PCDHGA4: variants seen among roughly 807,000 people sequenced by gnomAD.
PCDHGA4 encodes the protein protocadherin gamma-A4.
Under a neutral mutation model 54.6 loss-of-function variants are expected in PCDHGA4, and 38 were observed. The observed-to-expected ratio is 0.70, with a 90% confidence interval of 0.54 to 0.91. PCDHGA4 has a LOEUF of 0.91. Among genes scored for constraint, PCDHGA4 ranks in the 40% least tolerant of loss-of-function variants. The pLI, the probability that PCDHGA4 is intolerant of heterozygous loss-of-function variation, is 0.00. For missense variants in PCDHGA4, 1,298 were observed against 1,220.9 expected, an observed-to-expected ratio of 1.06 and a Z score of -0.94; for synonymous variants, 511 against 512.9, an observed-to-expected ratio of 1.00 and a Z score of 0.05.
rs553662641 is a variant in PCDHGA4 at position 141,356,817 on chromosome 5, C to A, written c.1710C>A (p.Asp570Glu). The stretch of plus-strand genomic sequence containing the variant: ...TGATGACAGCCAGTGACAGTGGAGA[C>A]CCTCCACTCAGCAGCAATGTGTCAC... ...QLLMTASDSG[D>E]PPLSSNVSLS... is the part of the protein sequence containing the mutation. Residue 570 changes from aspartate (D) to glutamate (E), a missense_variant, in exon 1 of 4, where the codon GAC becomes GAA. Transcript: ENST00000571252. 9.9e-6 allele frequency: 16 copies of A among 1,613,926 alleles called. No homozygotes were observed. Among genetic ancestry groups the A allele is most frequent in the Middle Eastern group, 1.6e-4 (1 of 6,062 alleles).
intron 1 of PCDHGA4, chr5:141,394,196 C>G (rs760903381): frequency 2.7e-5 from 44 of 1,613,792 alleles, no homozygotes; most frequent in African/African-American, 4.0e-5. Flanking sequence ...CAGCGTATAT[C>G]CTAGAGAACA....
intron 1 of PCDHGA4, chr5:141,400,775 C>T (rs2094072666): frequency 5.4e-6 from 3 of 559,824 alleles, no homozygotes; most frequent in South Asian, 5.1e-5. Context: ...ACATTTGGTG[C>T]GTTTTTTTGT....
intron 3 of PCDHGA4, among the ~76,000 whole-genome samples, chr5:141,506,904 C>T (rs55892286): frequency 0.2 from 30,589 of 152,050 alleles, 3,131 homozygotes; most frequent in Middle Eastern, 0.24. Flanking sequence ...ACTGTCATCA[C>T]ACCTGGGCAC....
At chr5:141,439,741 A>C (rs1303886454) in intron 1 of PCDHGA4, 1 of 152,352 alleles carries the variant, frequency 6.6e-6, no homozygotes, top group African/African-American at 2.4e-5. Flanking sequence ...AACGGAACGG[A>C]TTTACAGGCA....
chr5:141,446,253 A>T (rs1452074783), intron 1 of PCDHGA4, among the ~76,000 whole-genome samples: 3 of 152,164 alleles, frequency 2.0e-5, no homozygotes, highest in African/African-American at 7.2e-5. Context: ...CTTCAGTGAA[A>T]TATTATTAAC....
intron 1 of PCDHGA4, chr5:141,399,783 C>T: frequency 6.2e-7 from 1 of 1,613,300 alleles, no homozygotes; most frequent in Non-Finnish European, 8.5e-7. Context: ...GCGACCGAAA[C>T]GACAACGCAC....
chr5:141,510,239 C>T (rs2099880022), intron 3 of PCDHGA4, among the ~76,000 whole-genome samples: 1 of 150,434 alleles, frequency 6.6e-6, no homozygotes, highest in Non-Finnish European at 1.5e-5. Flanking sequence ...CGCCACTGCA[C>T]TCCAGGCTGG....
Position 141,470,128 on chromosome 5 carries a change from CA to C in PCDHGA4, c.2515-24670del, listed in dbSNP as rs200356364. Among the ~76,000 whole-genome samples, 62 of 150,148 alleles carry C rather than the reference CA, an allele frequency of 4.1e-4. 1 individual carries two copies. Among genetic ancestry groups the C allele is most frequent in the Middle Eastern group, 3.4e-3 (1 of 294 alleles). On this transcript the variant is annotated intron_variant, in intron 1 of 3. Coordinates refer to ENST00000571252, the MANE Select transcript of PCDHGA4 (RefSeq NM_018917.4). ...TGAGCAACAGAGCAAGACTTCGTCTCAAAAAAAAAGATCATAGATCATCTTA... is the reference window on the plus strand; with the variant it reads ...TGAGCAACAGAGCAAGACTTCGTCTCAAAAAAAAGATCATAGATCATCTTA...
At chr5:141,361,542 C>G in intron 1 of PCDHGA4, 1 of 1,614,054 alleles carries the variant, frequency 6.2e-7, no homozygotes, top group Non-Finnish European at 8.5e-7. Flanking sequence ...CTCCTGGCGC[C>G]TCTATCGCTC....
chr5:141,386,109 A>T (rs866004779), intron 1 of PCDHGA4: 1 of 152,246 alleles, frequency 6.6e-6, no homozygotes, highest in Non-Finnish European at 1.5e-5. Context: ...TCTGTGGGCT[A>T]TCAAAGTGGG....
chr5:141,425,763 G>A (rs959881638), intron 1 of PCDHGA4, among the ~76,000 whole-genome samples: 3 of 152,164 alleles, frequency 2.0e-5, no homozygotes, highest in Non-Finnish European at 4.4e-5. Context: ...TCTACAACAG[G>A]AGAGAAGACT....
intron 1 of PCDHGA4, chr5:141,385,236 C>T: frequency 2.5e-6 from 4 of 1,614,152 alleles, no homozygotes; most frequent in Non-Finnish European, 3.4e-6. Flanking sequence ...TAGACATGCT[C>T]ATCAGCCAGG....
At chr5:141,383,430 C>T in intron 1 of PCDHGA4, 1 of 1,614,016 alleles carries the variant, frequency 6.2e-7, no homozygotes, top group Non-Finnish European at 8.5e-7. Context: ...CCAATCGCCA[C>T]TTCTCCCTGG....
rs750876131 is a variant in PCDHGA4 at position 141,366,508 on chromosome 5, G to C, written c.2514+8887G>C. 2.5e-6 allele frequency: 4 copies of C among 1,614,144 alleles called. No individual in the cohort carries two copies. The African/African-American group carries it at 5.3e-5, about 22-fold the overall frequency. Reference sequence around the variant, plus strand: ...GCTGGCACAAGTCACGCCTGCTTCAGGCTGAAGGCAGCAGGTTGGCGGGTG... The same window carrying C: ...GCTGGCACAAGTCACGCCTGCTTCACGCTGAAGGCAGCAGGTTGGCGGGTG... On this transcript the variant is annotated intron_variant, in intron 1 of 3. Transcript: ENST00000571252.
At chr5:141,415,772 T>TTTTTTTTG in intron 1 of PCDHGA4, 1 of 1,332,986 alleles carries the variant, frequency 7.5e-7, no homozygotes. Context: ...TTTTTTTTTT[T>TTTTTTTTG]ACTTTCTGGT....
chr5:141,400,439 C>T, intron 1 of PCDHGA4: 1 of 1,614,056 alleles, frequency 6.2e-7, no homozygotes. Context: ...CAATTGAGTT[C>T]AGGACAAGAC....
intron 1 of PCDHGA4, chr5:141,428,086 G>C: frequency 1.9e-6 from 3 of 1,609,122 alleles, no homozygotes; most frequent in Non-Finnish European, 1.7e-6. Context: ...CACAACGCTT[G>C]GCTGTCCTAC....
intron 1 of PCDHGA4, chr5:141,396,033 C>T (rs191318626): frequency 1.3e-5 from 2 of 152,280 alleles, no homozygotes; most frequent in East Asian, 3.9e-4. Context: ...TATGTAAGAA[C>T]ATATTTCAAT....
In PCDHGA4 at chr5:141,511,223, A is replaced by G. The variant is rs1193308928; in HGVS notation, c.*50A>G. On this transcript the variant is annotated 3_prime_UTR_variant, in exon 4 of 4. Transcript: ENST00000571252. ...AGGGCGGCCTCTCCCCAACCAGCCC[A>G]GCTTCTCCTTACCTGCACCCAGGCC... 1 of 1,604,390 alleles carries G rather than the reference A, an allele frequency of 6.2e-7. No individual in the cohort carries two copies.
Sources: gnomAD v4.1 joint callset for allele counts (sites outside exome capture counted in the v4.1 genomes callset) on GRCh38, gnomAD v4.1.1 for gene constraint, MANE v1.5 for transcripts, NCBI Gene and HGNC (gene_info 2026-07-23, HGNC 2026-07-21) for gene names.